The following SNAP25 variants were observed in gnomAD, a reference collection of about 807,000 sequenced individuals.
The protein encoded by SNAP25 is synaptosome associated protein 25, also known as synaptosomal-associated protein 25.
SNAP25 carries 3 observed loss-of-function variants against 28.7 expected under a neutral mutation model. The ratio of observed to expected loss-of-function variants is 0.10; its 90% CI spans 0.05 to 0.27. The LOEUF (loss-of-function observed/expected upper bound fraction) is 0.27. SNAP25 is among the 10% of genes least tolerant of loss of function. SNAP25 has a pLI of 1.00. For synonymous variants in SNAP25, 61 were observed against 88.1 expected, an observed-to-expected ratio of 0.69 and a Z score of 1.72; for missense variants, 117 against 278.7, an observed-to-expected ratio of 0.42 and a Z score of 4.13.
At chr20:10,306,045 G>A in intron 7 of SNAP25, 84 bp from the exon 8 acceptor site, 1 of 1,298,462 alleles carries the variant, frequency 7.7e-7, no homozygotes, top group Non-Finnish European at 1.1e-6. Context: ...TTTCACCCAA[G>A]AGGAAGCATT....
intron 1 of SNAP25, chr20:10,231,584 A>C (rs1000246623): frequency 4.6e-5 from 7 of 152,124 alleles, no homozygotes; most frequent in African/African-American, 1.4e-4. Flanking sequence ...CTGTTGTTAC[A>C]CTCAGAGGTC....
chr20:10,273,757 G>A (rs2063638958), intron 1 of SNAP25, among the ~76,000 whole-genome samples: 1 of 152,182 alleles, frequency 6.6e-6, no homozygotes, highest in South Asian at 2.1e-4. Flanking sequence ...GCTCTACCAT[G>A]CAACAGTGAG....
At chr20:10,253,496 G>A (rs1254863369) in intron 1 of SNAP25, among the ~76,000 whole-genome samples, 1 of 152,134 alleles carries the variant, frequency 6.6e-6, no homozygotes, top group Non-Finnish European at 1.5e-5. Flanking sequence ...ACATCACATA[G>A]AGCTGGTGGG....
At chr20:10,287,664 T>C (rs1453618441) in intron 4 of SNAP25, among the ~76,000 whole-genome samples, 2 of 148,626 alleles carry the variant, frequency 1.3e-5, no homozygotes, top group African/African-American at 5.1e-5. Context: ...ACTGGGTATA[T>C]ACCCAAAGGA....
At chr20:10,298,204 C>T (rs1568628033) in intron 6 of SNAP25, among the ~76,000 whole-genome samples, 1 of 150,280 alleles carries the variant, frequency 6.7e-6, no homozygotes, top group Non-Finnish European at 1.5e-5. Flanking sequence ...CCCATTAAAG[C>T]TCCTCAGGTG....
chr20:10,235,362 A>G (rs1406286560), intron 1 of SNAP25, among the ~76,000 whole-genome samples: 5 of 152,262 alleles, frequency 3.3e-5, no homozygotes, highest in African/African-American at 9.6e-5. Context: ...TTTTTTAATT[A>G]AAGCATTAAA....
At chr20:10,265,939 C>A (rs527567187) in intron 1 of SNAP25, among the ~76,000 whole-genome samples, 1 of 152,284 alleles carries the variant, frequency 6.6e-6, no homozygotes, top group Non-Finnish European at 1.5e-5. Flanking sequence ...CGATGCTGGT[C>A]TGGGGAACAC....
chr20:10,250,740 C>T (rs2063211964), intron 1 of SNAP25, among the ~76,000 whole-genome samples: 2 of 152,176 alleles, frequency 1.3e-5, no homozygotes, highest in African/African-American at 4.8e-5. Context: ...ATGTGCTATG[C>T]ATTTTGATCA....
At chr20:10,264,908 T>G (rs1256702891) in intron 1 of SNAP25, among the ~76,000 whole-genome samples, 3 of 149,526 alleles carry the variant, frequency 2.0e-5, no homozygotes. Flanking sequence ...CAAGGAGATC[T>G]CAGACCATGC....
At chr20:10,260,993 C>G (rs978479145) in intron 1 of SNAP25, among the ~76,000 whole-genome samples, 5 of 152,124 alleles carry the variant, frequency 3.3e-5, no homozygotes, top group Non-Finnish European at 7.3e-5. Flanking sequence ...CTTAGGGTAC[C>G]ATGACTGTTT....
chr20:10,245,711 T>C (rs182061292), intron 1 of SNAP25, among the ~76,000 whole-genome samples: 2 of 149,630 alleles, frequency 1.3e-5, no homozygotes, highest in African/African-American at 2.5e-5. Context: ...CACACACACA[T>C]ACTGACAATT....
intron 1 of SNAP25, chr20:10,219,256 G>A (rs186959762): frequency 6.6e-6 from 1 of 152,342 alleles, no homozygotes; most frequent in African/African-American, 2.4e-5. Context: ...ACAGTAGTGG[G>A]ACCCCCTCTT....
rs2064043855 is a variant in SNAP25, at chr20:10,293,565, C to T, written c.281+287C>T. 6.6e-6 allele frequency among the ~76,000 whole-genome samples: 1 copy of T among 152,186 alleles called. No homozygotes were observed. The highest frequency in any genetic ancestry group is 2.1e-4 in the South Asian group (1 of 4,834). ...TGTACCTTGAGACAGAGGCTAGCCTCAAGAAAGAGGCACCCAGGGAACTTC... is the reference window on the plus strand; with the variant it reads ...TGTACCTTGAGACAGAGGCTAGCCTTAAGAAAGAGGCACCCAGGGAACTTC... On this transcript the variant is annotated intron_variant, in intron 5 of 7. Transcript: ENST00000254976. The surrounding 1 kb of genome is among the most constrained non-coding windows in gnomAD (Gnocchi z 5.6).
At chr20:10,226,140 T>C (rs2122630350) in intron 1 of SNAP25, among the ~76,000 whole-genome samples, 1 of 152,306 alleles carries the variant, frequency 6.6e-6, no homozygotes, top group Non-Finnish European at 1.5e-5. Context: ...CCTGCAGTTA[T>C]TCCGAAGTTG....
chr20:10,268,499 TG>T (rs2063541876), intron 1 of SNAP25, among the ~76,000 whole-genome samples: 1 of 152,214 alleles, frequency 6.6e-6, no homozygotes, highest in African/African-American at 2.4e-5. Context: ...TCCTGTCCTT[TG>T]GCACTTGGAC....
chr20:10,258,012 G>T (rs2063350696), intron 1 of SNAP25, among the ~76,000 whole-genome samples: 1 of 151,896 alleles, frequency 6.6e-6, no homozygotes, highest in African/African-American at 2.4e-5. Context: ...AAAGCAAAAT[G>T]ATGGATGCAC....
At chr20:10,285,596 A>C (rs2063860343) in intron 4 of SNAP25, among the ~76,000 whole-genome samples, 1 of 152,144 alleles carries the variant, frequency 6.6e-6, no homozygotes, top group African/African-American at 2.4e-5. Flanking sequence ...TGGAGTCATG[A>C]CTATTTTTTT....
intron 7 of SNAP25, among the ~76,000 whole-genome samples, chr20:10,300,910 A>T (rs1180684233): frequency 6.6e-6 from 1 of 151,918 alleles, no homozygotes; most frequent in Admixed American, 6.5e-5. Flanking sequence ...ACACAAGCTG[A>T]CCTAACCCAT....
chr20:10,222,004 A>G (rs2062642892), intron 1 of SNAP25, among the ~76,000 whole-genome samples: 1 of 152,254 alleles, frequency 6.6e-6, no homozygotes, highest in Admixed American at 6.5e-5. Context: ...ACAATTCTAT[A>G]AAAGAAGGAA....
Sources: allele counts gnomAD v4.1 joint callset (sites outside exome capture counted in the v4.1 genomes callset), GRCh38; gene constraint gnomAD v4.1.1; non-coding constraint Gnocchi (gnomAD v3.1); transcripts MANE v1.5; gene names NCBI Gene and HGNC (gene_info 2026-07-23, HGNC 2026-07-21).